Variants in ORC5 observed in about 807,000 individuals in gnomAD.
ORC5 encodes origin recognition complex subunit 5, also known as protein phosphatase 1, regulatory subunit 117.
ORC5 carries 39 observed loss-of-function variants against 58.8 expected under a neutral mutation model. That is an observed-to-expected ratio of 0.66 (90% CI 0.51 to 0.87). ORC5 has a LOEUF of 0.87. Ranked by LOEUF, ORC5 falls within the 40% of genes least tolerant of loss-of-function variation. The pLI, the probability that ORC5 is intolerant of heterozygous loss-of-function variation, is 0.00. For missense variants in ORC5, 493 were observed against 506.3 expected (o/e 0.97, Z 0.25); for synonymous variants, 218 against 177.6 (o/e 1.23, Z -1.81).
intron 12 of ORC5, among the ~76,000 whole-genome samples, chr7:104,139,378 T>C (rs1798638098): frequency 6.6e-6 from 1 of 152,180 alleles, no homozygotes; most frequent in African/African-American, 2.4e-5. Flanking sequence ...CTTAGAGATC[T>C]TAAGTAACTT....
chr7:104,172,578 GCAGA>G (rs1240126544), intron 8 of ORC5, among the ~76,000 whole-genome samples: 2 of 152,142 alleles, frequency 1.3e-5, no homozygotes, highest in Non-Finnish European at 2.9e-5. Flanking sequence ...AGAAAGAAAA[GCAGA>G]CAGTGTTGAT....
intron 12 of ORC5, among the ~76,000 whole-genome samples, chr7:104,139,059 AG>A (rs761797468): frequency 2.6e-5 from 4 of 152,214 alleles, no homozygotes; most frequent in Non-Finnish European, 4.4e-5. Context: ...CAGGAAAAAG[AG>A]TCAGCAATGG....
intron 8 of ORC5, among the ~76,000 whole-genome samples, chr7:104,175,831 A>T (rs1453767250): frequency 6.6e-6 from 1 of 152,240 alleles, no homozygotes; most frequent in Non-Finnish European, 1.5e-5. Context: ...TCAGACCAAT[A>T]AACAAAAGAC....
intron 8 of ORC5, 146 bp from the exon 9 acceptor site, chr7:104,168,671 T>TTTTTTTTTTTTTTTTTTTTTTTTTTGAG: frequency 8.4e-6 from 4 of 475,958 alleles, no homozygotes; most frequent in Non-Finnish European, 1.1e-5. Context: ...AACATGTTTG[T>TTTTTTTTTTTTTTTTTTTTTTTTTTGAG]ACCTGTACAA....
At chr7:104,187,099 G>C (rs996340786) in intron 6 of ORC5, among the ~76,000 whole-genome samples, 2 of 152,132 alleles carry the variant, frequency 1.3e-5, no homozygotes, top group African/African-American at 2.4e-5. Context: ...GTAACTGCAA[G>C]TTACTTTCCA....
intron 1 of ORC5, 82 bp downstream of exon 1, chr7:104,207,751 C>A: frequency 1.4e-6 from 2 of 1,401,784 alleles, no homozygotes; most frequent in Middle Eastern, 1.8e-4. Context: ...AATCCAAACA[C>A]GAAAAAACAA....
chr7:104,173,837 A>AT (rs1799261912), intron 8 of ORC5, among the ~76,000 whole-genome samples: 4 of 125,340 alleles, frequency 3.2e-5, no homozygotes, highest in Non-Finnish European at 5.2e-5. Context: ...CTGGGTTTAA[A>AT]ATTTTTTCTT....
intron 2 of ORC5, among the ~76,000 whole-genome samples, chr7:104,202,768 T>C (rs764099065): frequency 3.3e-5 from 5 of 152,222 alleles, no homozygotes; most frequent in Admixed American, 6.5e-5. Context: ...GTCCAGTATA[T>C]AGCCCAGGCA....
chr7:104,151,177 G>T (rs1798840457), intron 12 of ORC5, among the ~76,000 whole-genome samples: 1 of 152,120 alleles, frequency 6.6e-6, no homozygotes, highest in Non-Finnish European at 1.5e-5. Context: ...ATTGAATGTA[G>T]ACTTGGTTCT....
chr7:104,177,103 A>C (rs1008130169), intron 8 of ORC5, among the ~76,000 whole-genome samples: 6 of 152,236 alleles, frequency 3.9e-5, no homozygotes, highest in African/African-American at 1.2e-4. Flanking sequence ...ATTAACATGG[A>C]AATAGCTTGA....
chr7:104,155,934 G>T lies in ORC5; in HGVS notation c.1149+5138C>A, dbSNP rs529779649. On this transcript the variant is annotated intron_variant, in intron 12 of 13. Coordinates refer to ENST00000297431, the MANE Select transcript of ORC5 (RefSeq NM_002553.4). ...CATAACTTGGCTTTAATATATTTCTGGAAAAAAAGACAATACTATTTCTTT... is the reference window on the plus strand; with the variant it reads ...CATAACTTGGCTTTAATATATTTCTTGAAAAAAAGACAATACTATTTCTTT... Among the ~76,000 whole-genome samples, 3 of 151,202 alleles carry T rather than the reference G, an allele frequency of 2.0e-5. No individual in the cohort carries two copies. In the East Asian group the frequency reaches 5.8e-4, roughly 29 times the overall value.
At chr7:104,144,455 A>G (rs1352615889) in intron 12 of ORC5, among the ~76,000 whole-genome samples, 2 of 152,042 alleles carry the variant, frequency 1.3e-5, no homozygotes, top group African/African-American at 4.8e-5. Context: ...TACTCTAGGT[A>G]CTGTGCATTT....
At chr7:104,200,409 T>C (rs1799910289) in intron 3 of ORC5, among the ~76,000 whole-genome samples, 1 of 152,232 alleles carries the variant, frequency 6.6e-6, no homozygotes, top group Admixed American at 6.5e-5. Context: ...TATATAATTC[T>C]ATCTGAAATT....
chr7:104,147,843 C>T (rs900607525), intron 12 of ORC5, among the ~76,000 whole-genome samples: 12 of 152,124 alleles, frequency 7.9e-5, no homozygotes, highest in Admixed American at 2.0e-4. Flanking sequence ...AAATGGTTTG[C>T]CAAGACTACT....
chr7:104,200,497 T>C (rs147613047), intron 3 of ORC5, among the ~76,000 whole-genome samples: 21 of 152,352 alleles, frequency 1.4e-4, no homozygotes, highest in East Asian at 9.6e-4. Context: ...TGAAGCTGTA[T>C]TGGACACACA....
chr7:104,173,660 A>G (rs1381037933), intron 8 of ORC5, among the ~76,000 whole-genome samples: 3 of 152,160 alleles, frequency 2.0e-5, no homozygotes, highest in Non-Finnish European at 4.4e-5. Context: ...TTGGGATAAT[A>G]ACAACTTTTT....
At position 104,205,147 on chromosome 7, in the gene ORC5, T is replaced by C. The variant is rs1193591590; in HGVS notation, c.73-913A>G. ...CCCTGTCACCCAGGCTGGAGTGCAA[T>C]GGCGTGACCTCGGCTCACTTCAACC... On this transcript the variant is annotated intron_variant, in intron 1 of 13. Coordinates refer to ENST00000297431, the MANE Select transcript of ORC5 (RefSeq NM_002553.4). Among the ~76,000 whole-genome samples, 6 of 134,016 alleles carry C rather than the reference T, an allele frequency of 4.5e-5. No homozygotes were observed. In the Admixed American group the frequency reaches 5.1e-4, roughly 11 times the overall value. The allele number at this position is 134,016 out of a possible 152,430, so 87.9% of individuals were successfully genotyped here. A position where few individuals can be genotyped will look rare whatever the true frequency, so the allele number is the denominator to read the frequency against.
Position 104,136,933 on chromosome 7 carries a change from A to C in ORC5, c.1150-40T>G. The stretch of plus-strand genomic sequence containing the variant: ...TTTTATAAGAAACTGTTTTAATAAG[A>C]TTATGTAATACTTTTGTTTCTGAAA... On this transcript the variant is annotated intron_variant, in intron 12 of 13. Coordinates refer to ENST00000297431, the MANE Select transcript of ORC5 (RefSeq NM_002553.4). The surrounding 1 kb of genome is among the most constrained non-coding windows in gnomAD (Gnocchi z 4.2). 2 of 1,338,734 alleles carry C rather than the reference A, an allele frequency of 1.5e-6. No individual in the cohort carries two copies. The highest frequency in any genetic ancestry group is 2.1e-6 in the Non-Finnish European group (2 of 930,826). 82.9% of individuals were successfully genotyped at this position (1,338,734 alleles called of 1,614,324 possible). A position where few individuals can be genotyped will look rare whatever the true frequency, so the allele number is the denominator to read the frequency against.
chr7:104,193,011 A>G (rs888009125), intron 5 of ORC5, among the ~76,000 whole-genome samples: 2 of 152,050 alleles, frequency 1.3e-5, no homozygotes, highest in East Asian at 3.9e-4. Flanking sequence ...CTATAATGCA[A>G]TCCCACACAA....
Sources: gnomAD v4.1 joint callset for allele counts (sites outside exome capture counted in the v4.1 genomes callset) on GRCh38, gnomAD v4.1.1 for gene constraint, Gnocchi (gnomAD v3.1) non-coding constraint, MANE v1.5 for transcripts, NCBI Gene and HGNC (gene_info 2026-07-23, HGNC 2026-07-21) for gene names.